The following HIVEP3 variants were observed in gnomAD, a reference collection of about 807,000 sequenced individuals.
The protein encoded by HIVEP3 is HIVEP zinc finger 3.
A neutral mutation model predicts 152.8 loss-of-function variants in HIVEP3; 49 were observed. That is an observed-to-expected ratio of 0.32 (90% CI 0.26 to 0.41). HIVEP3 has a LOEUF of 0.41. HIVEP3 is among the 10% of genes least tolerant of loss of function. The pLI is 1.00. For synonymous variants in HIVEP3, 1,269 were observed against 1,289.0 expected (o/e 0.98, Z 0.33); for missense variants, 2,790 against 3,103.3 (o/e 0.90, Z 2.40).
At chr1:41,829,294 A>G (rs758213543) in intron 1 of HIVEP3, among the ~76,000 whole-genome samples, 10 of 152,244 alleles carry the variant, frequency 6.6e-5, no homozygotes, top group Non-Finnish European at 7.3e-5. Flanking sequence ...ATGACACACC[A>G]AAAATATCAC....
intron 1 of HIVEP3, among the ~76,000 whole-genome samples, chr1:41,857,395 A>G (rs1177241389): frequency 6.6e-6 from 1 of 152,206 alleles, no homozygotes; most frequent in Non-Finnish European, 1.5e-5. Context: ...CCAGTAAAAT[A>G]TCAAGGGTCA....
intron 1 of HIVEP3, among the ~76,000 whole-genome samples, chr1:42,008,893 A>G (rs1259349675): frequency 2.6e-5 from 4 of 152,142 alleles, no homozygotes; most frequent in Non-Finnish European, 4.4e-5. Flanking sequence ...GACACGTTAA[A>G]ATTTGGTAAA....
intron 1 of HIVEP3, among the ~76,000 whole-genome samples, chr1:41,796,104 T>C (rs756705817): frequency 4.6e-5 from 7 of 152,252 alleles, no homozygotes; most frequent in Non-Finnish European, 1.0e-4. Context: ...TTCTGTATAC[T>C]TCTATCTGTA....
chr1:41,877,286 T>A (rs1644186156), intron 1 of HIVEP3, among the ~76,000 whole-genome samples: 2 of 152,118 alleles, frequency 1.3e-5, no homozygotes, highest in African/African-American at 4.8e-5. Flanking sequence ...ACATGTCCAA[T>A]AGGGCCAGTC....
At chr1:42,008,863 C>T (rs4428880) in intron 1 of HIVEP3, among the ~76,000 whole-genome samples, 5,316 of 152,230 alleles carry the variant, frequency 0.035, 279 homozygotes, top group African/African-American at 0.12. Context: ...ATTACCCTTA[C>T]AGTGATTGGT....
chr1:41,797,249 C>T (rs1650036441), intron 1 of HIVEP3, among the ~76,000 whole-genome samples: 1 of 152,240 alleles, frequency 6.6e-6, no homozygotes, highest in Admixed American at 6.5e-5. Flanking sequence ...AGCTCCTGCT[C>T]ATTTTCAACC....
At chr1:41,678,588 G>A (rs947943230) in intron 2 of HIVEP3, among the ~76,000 whole-genome samples, 1 of 151,950 alleles carries the variant, frequency 6.6e-6, no homozygotes, top group African/African-American at 2.4e-5. Context: ...CACAGCAGCA[G>A]GCACTATCCA....
chr1:41,779,838 C>T (rs1291314864), intron 1 of HIVEP3, among the ~76,000 whole-genome samples: 1 of 152,170 alleles, frequency 6.6e-6, no homozygotes, highest in Non-Finnish European at 1.5e-5. Context: ...GAATTGGGTG[C>T]TTGCTGCATG....
Position 41,935,257 on chromosome 1 carries a change from G to A in HIVEP3, n.120-16733C>T, listed in dbSNP as rs373594098. ...GGGACTCAGAGGGACTAAGAAACTC[G>A]TCAAATCCACAGAATTAACATATGT... On this transcript the variant is annotated intron_variant and non_coding_transcript_variant, in intron 1 of 3. Transcript: ENST00000489103. Among the ~76,000 whole-genome samples the A allele has an allele frequency of 5.9e-5, 9 of 152,162 alleles. 1 individual carries two copies. Among genetic ancestry groups the A allele is most frequent in the South Asian group, 4.1e-4 (2 of 4,820 alleles).
intron 1 of HIVEP3, among the ~76,000 whole-genome samples, chr1:41,778,582 G>A (rs374617730): frequency 6.6e-6 from 1 of 152,178 alleles, no homozygotes. Context: ...AGTTGATCCC[G>A]TTCTGACATA....
In HIVEP3 at chr1:41,662,983, G is replaced by T. The variant is rs1645742088; in HGVS notation, c.-720-34036C>A. Among the ~76,000 whole-genome samples, 1 of 152,098 alleles carries T rather than the reference G, an allele frequency of 6.6e-6. No homozygotes were observed. The highest frequency in any genetic ancestry group is 6.5e-5 in the Admixed American group (1 of 15,288). On this transcript the variant is annotated intron_variant, in intron 2 of 8. Coordinates refer to ENST00000372583, the MANE Select transcript of HIVEP3 (RefSeq NM_024503.5). This position sits in a 1 kb window ranked among gnomAD's most constrained non-coding sequence, Gnocchi z 7.2. ...GGCGGGCCTGCCAGGGCCTCCCTGG[G>T]CTCAGGCCTGGGGTGGGGGCGGGGG...
intron 2 of HIVEP3, among the ~76,000 whole-genome samples, chr1:41,635,019 T>C (rs1645248394): frequency 6.6e-6 from 1 of 152,136 alleles, no homozygotes; most frequent in Non-Finnish European, 1.5e-5. Flanking sequence ...AGAAAACACC[T>C]TTTTCTCAAA....
At chr1:41,706,275 T>C (rs1287182139) in intron 1 of HIVEP3, among the ~76,000 whole-genome samples, 1 of 152,112 alleles carries the variant, frequency 6.6e-6, no homozygotes, top group East Asian at 1.9e-4. Flanking sequence ...CGAATACATG[T>C]GTTTTATTTT....
At chr1:41,738,302 C>T (rs762154952) in intron 1 of HIVEP3, among the ~76,000 whole-genome samples, 1 of 152,196 alleles carries the variant, frequency 6.6e-6, no homozygotes, top group Non-Finnish European at 1.5e-5. Context: ...TGAACCAGTC[C>T]TCAGAAATCA....
intron 1 of HIVEP3, among the ~76,000 whole-genome samples, chr1:41,761,412 G>A (rs1319900560): frequency 6.6e-6 from 1 of 152,026 alleles, no homozygotes; most frequent in African/African-American, 2.4e-5. Context: ...GCACATGCAT[G>A]TGCATGTATA....
intron 4 of HIVEP3, among the ~76,000 whole-genome samples, chr1:41,576,312 G>A (rs1048711336): frequency 6.6e-6 from 1 of 152,222 alleles, no homozygotes; most frequent in Non-Finnish European, 1.5e-5. Flanking sequence ...CAGGCACAGA[G>A]AGGCTGTGCA....
chr1:41,951,390 G>A (rs1329172694), intron 1 of HIVEP3, among the ~76,000 whole-genome samples: 2 of 152,154 alleles, frequency 1.3e-5, no homozygotes, highest in Non-Finnish European at 1.5e-5. Flanking sequence ...CCTAAATAGT[G>A]TTTATGTTTG....
chr1:41,708,860 T>C (rs1286135874), intron 1 of HIVEP3, among the ~76,000 whole-genome samples: 7 of 152,206 alleles, frequency 4.6e-5, no homozygotes, highest in African/African-American at 1.7e-4. Context: ...CCATGTCTTC[T>C]CTGCTGTTGG....
intron 1 of HIVEP3, among the ~76,000 whole-genome samples, chr1:41,850,953 G>T (rs1557445679): frequency 6.6e-6 from 1 of 152,102 alleles, no homozygotes; most frequent in African/African-American, 2.4e-5. Flanking sequence ...TCTCATGTCA[G>T]GCTCCTTCTG....
Sources: allele counts gnomAD v4.1 joint callset (sites outside exome capture counted in the v4.1 genomes callset), GRCh38; gene constraint gnomAD v4.1.1; non-coding constraint Gnocchi (gnomAD v3.1); transcripts MANE v1.5; gene names NCBI Gene and HGNC (gene_info 2026-07-23, HGNC 2026-07-21).